ABI3BP: variants seen among roughly 807,000 people sequenced by gnomAD.
ABI3BP encodes the protein ABI family member 3 binding protein.
In ABI3BP, 216 loss-of-function variants were observed where a neutral mutation model predicts 268.6. The observed-to-expected ratio is 0.80, with a 90% CI of 0.72 to 0.90. The LOEUF (loss-of-function observed/expected upper bound fraction) is 0.90. Ranked by LOEUF, ABI3BP falls within the 40% of genes least tolerant of loss-of-function variation. The pLI is 0.00. For synonymous variants in ABI3BP, 730 were observed against 730.0 expected (o/e 1.00, Z 0.00); for missense variants, 2,090 against 2,182.4 (o/e 0.96, Z 0.84).
chr3:100,877,436 T>G (rs867850875), intron 6 of ABI3BP, among the ~76,000 whole-genome samples: 1 of 152,214 alleles, frequency 6.6e-6, no homozygotes, highest in African/African-American at 2.4e-5. Flanking sequence ...ATTCTGCACA[T>G]GTTTATACAC....
chr3:100,811,627 A>G, intron 47 of ABI3BP, 101 bp downstream of exon 47: 1 of 1,200,116 alleles, frequency 8.3e-7, no homozygotes, highest in South Asian at 1.4e-5. Context: ...TTTAATTGTG[A>G]ATCAAGTACC....
chr3:100,839,662 A>G (rs2098662132), intron 23 of ABI3BP, 46 bp from the exon 24 acceptor site: 2 of 1,526,796 alleles, frequency 1.3e-6, no homozygotes. Flanking sequence ...AAGAAGTGGC[A>G]TCGTGAGGAG....
chr3:100,983,593 G>A (rs937895449), intron 1 of ABI3BP, among the ~76,000 whole-genome samples: 5 of 152,154 alleles, frequency 3.3e-5, no homozygotes, highest in Admixed American at 6.6e-5. Flanking sequence ...GTTAAATGAG[G>A]ATAAAGAATT....
At chr3:100,967,993 G>T (rs974255391) in intron 1 of ABI3BP, among the ~76,000 whole-genome samples, 2 of 152,080 alleles carry the variant, frequency 1.3e-5, no homozygotes, top group African/African-American at 4.8e-5. Flanking sequence ...AGATTAGGAG[G>T]GGGCCAACCA....
At chr3:100,985,375 C>T (rs533837330) in intron 1 of ABI3BP, among the ~76,000 whole-genome samples, 2 of 151,710 alleles carry the variant, frequency 1.3e-5, no homozygotes, top group East Asian at 3.9e-4. Context: ...GGTCTCGATC[C>T]CCTGACCTCG....
intron 1 of ABI3BP, 76 bp downstream of exon 1, chr3:100,993,230 T>G: frequency 9.4e-7 from 1 of 1,066,868 alleles, no homozygotes; most frequent in Admixed American, 2.1e-5. Context: ...GTAAAGCAGA[T>G]CATATTTAAA....
intron 6 of ABI3BP, among the ~76,000 whole-genome samples, chr3:100,878,005 G>A (rs542003254): frequency 1.3e-5 from 2 of 152,106 alleles, no homozygotes; most frequent in African/African-American, 4.8e-5. Flanking sequence ...AAATCACAAC[G>A]AATAAAAGTT....
chr3:100,779,629 CTCTA>C (rs2096809893), intron 58 of ABI3BP, among the ~76,000 whole-genome samples: 1 of 151,932 alleles, frequency 6.6e-6, no homozygotes, highest in African/African-American at 2.4e-5. Flanking sequence ...CTCTCTCTCT[CTCTA>C]TGTGTTCAGG....
intron 1 of ABI3BP, among the ~76,000 whole-genome samples, chr3:100,988,817 T>A (rs1449823173): frequency 6.6e-6 from 1 of 152,242 alleles, no homozygotes; most frequent in African/African-American, 2.4e-5. Context: ...AATTAATGTA[T>A]CTTTACATAG....
chr3:100,818,504 A>G lies in ABI3BP; in HGVS notation c.3088+21T>C, dbSNP rs1452249142. Reference sequence around the variant, plus strand: ...CAATAAGCAGGAAAAGCACTATTTGAAGGACACACATTCTCATTACCCATG... The same window carrying G: ...CAATAAGCAGGAAAAGCACTATTTGGAGGACACACATTCTCATTACCCATG... On this transcript the variant is annotated intron_variant, in intron 41 of 67. Coordinates refer to ENST00000471714, the MANE Select transcript of ABI3BP (RefSeq NM_001375547.2). The G allele has an allele frequency of 1.6e-5, 24 of 1,527,224 alleles. No individual in the cohort carries two copies. In the East Asian group the frequency reaches 5.6e-4, roughly 36 times the overall value. The allele number at this position is 1,527,224 out of a possible 1,614,324, so 94.6% of individuals were successfully genotyped here. A position where few individuals can be genotyped will look rare whatever the true frequency, so the allele number is the denominator to read the frequency against.
chr3:100,881,653 G>A (rs1218758473), intron 6 of ABI3BP, among the ~76,000 whole-genome samples: 4 of 135,976 alleles, frequency 2.9e-5, no homozygotes, highest in African/African-American at 1.0e-4. Context: ...TCAAAAAAAA[G>A]AGTGTCCTAG....
chr3:100,937,323 T>C (rs2066607261), intron 1 of ABI3BP, among the ~76,000 whole-genome samples: 1 of 152,056 alleles, frequency 6.6e-6, no homozygotes, highest in African/African-American at 2.4e-5. Context: ...CATTCCTAGG[T>C]ATTTACTCAG....
chr3:100,796,586 G>C (rs1330788549), intron 51 of ABI3BP, 118 bp from the exon 52 acceptor site: 2 of 652,968 alleles, frequency 3.1e-6, no homozygotes, highest in African/African-American at 1.9e-5. Context: ...TTTTACAATG[G>C]TTAATGACCA....
chr3:100,765,492 T>G (rs189179850), intron 63 of ABI3BP, among the ~76,000 whole-genome samples: 180 of 152,350 alleles, frequency 1.2e-3, no homozygotes, highest in Non-Finnish European at 2.2e-3. Flanking sequence ...AGCGTTTTAA[T>G]TTTTTGGTGC....
At chr3:100,826,691 A>G (rs140165579) in intron 34 of ABI3BP, among the ~76,000 whole-genome samples, 1 of 152,186 alleles carries the variant, frequency 6.6e-6, no homozygotes, top group Non-Finnish European at 1.5e-5. Flanking sequence ...CTTGCTGGGA[A>G]CTCCACTTTG....
chr3:100,989,198 T>C (rs185437702), intron 1 of ABI3BP, among the ~76,000 whole-genome samples: 20 of 152,290 alleles, frequency 1.3e-4, no homozygotes, highest in Middle Eastern at 6.8e-3. Context: ...ATGCCAGCAC[T>C]TTGATCATGG....
chr3:100,912,154 A>G (rs2056775399), intron 2 of ABI3BP: 1 of 457,528 alleles, frequency 2.2e-6, no homozygotes, highest in Non-Finnish European at 4.0e-6. Flanking sequence ...ACAAAGCCCA[A>G]GAACACCTGC....
intron 63 of ABI3BP, among the ~76,000 whole-genome samples, chr3:100,756,507 A>G (rs1371233435): frequency 3.3e-5 from 5 of 152,250 alleles, no homozygotes; most frequent in African/African-American, 9.6e-5. Flanking sequence ...TTTTCCAGAG[A>G]TTAAATTTTT....
At chr3:100,783,854 T>C (rs2150399474) in intron 57 of ABI3BP, among the ~76,000 whole-genome samples, 1 of 152,352 alleles carries the variant, frequency 6.6e-6, no homozygotes. Context: ...TGTGGGGCTG[T>C]AGTTTGCACA....
Sources: gnomAD v4.1 joint callset for allele counts (sites outside exome capture counted in the v4.1 genomes callset) on GRCh38, gnomAD v4.1.1 for gene constraint, MANE v1.5 for transcripts, NCBI Gene and HGNC (gene_info 2026-07-23, HGNC 2026-07-21) for gene names.